Variants in KCTD3 observed in about 807,000 individuals in gnomAD.
The protein encoded by KCTD3 is potassium channel tetramerization domain containing 3.
Under a neutral mutation model 85.8 loss-of-function variants are expected in KCTD3, and 41 were observed. The ratio of observed to expected loss-of-function variants is 0.48; its 90% CI spans 0.37 to 0.62. KCTD3 has a LOEUF of 0.62. KCTD3 is among the 20% of genes least tolerant of loss of function. KCTD3 has a pLI of 0.00. For synonymous variants in KCTD3, 338 were observed against 345.4 expected, an observed-to-expected ratio of 0.98 and a Z score of 0.24; for missense variants, 724 against 989.9, an observed-to-expected ratio of 0.73 and a Z score of 3.60.
At chr1:215,588,112 A>G (rs1338857295) in intron 9 of KCTD3, among the ~76,000 whole-genome samples, 2 of 152,166 alleles carry the variant, frequency 1.3e-5, no homozygotes, top group South Asian at 2.1e-4. Flanking sequence ...TTTAGATAAC[A>G]GGCTTACTTT....
At position 215,604,124 on chromosome 1, in the gene KCTD3, T is replaced by C. The variant is rs1450070903; in HGVS notation, c.1139-8T>C. 1.9e-6 allele frequency: 3 copies of C among 1,599,478 alleles called. No homozygotes were observed. Among genetic ancestry groups the C allele is most frequent in the Non-Finnish European group, 2.6e-6 (3 of 1,174,372 alleles). ...ATGTATCACCTGTCAACTCTTGACT[T>C]TATATAGGTGTCAGTGGTAACTGGA... On this transcript the variant is annotated splice_polypyrimidine_tract_variant and splice_region_variant and intron_variant, in intron 12 of 17. Coordinates refer to ENST00000259154, the MANE Select transcript of KCTD3 (RefSeq NM_016121.5).
chr1:215,586,252 G>A (rs1660001956), intron 8 of KCTD3, among the ~76,000 whole-genome samples: 1 of 152,024 alleles, frequency 6.6e-6, no homozygotes, highest in Non-Finnish European at 1.5e-5. Flanking sequence ...ATATAGAACT[G>A]TAGTCTCTTT....
chr1:215,619,105 G>A, intron 16 of KCTD3, 35 bp downstream of exon 16: 3 of 1,609,500 alleles, frequency 1.9e-6, no homozygotes, highest in Non-Finnish European at 1.7e-6. Flanking sequence ...TTGTCACAAG[G>A]TTAAGCTTTT....
intron 15 of KCTD3, among the ~76,000 whole-genome samples, chr1:215,614,548 G>C (rs919018092): frequency 6.6e-6 from 1 of 152,118 alleles, no homozygotes; most frequent in East Asian, 1.9e-4. Flanking sequence ...GTGGTTTGCT[G>C]TATTTCTAGG....
At chr1:215,604,376 T>A in intron 13 of KCTD3, 74 bp downstream of exon 13, 1 of 1,157,204 alleles carries the variant, frequency 8.6e-7, no homozygotes, top group Non-Finnish European at 1.2e-6. Context: ...GAAAACGCAG[T>A]GTTTATGTGA....
At chr1:215,619,953 CTTTATGTA>C (rs1655600893) in intron 17 of KCTD3, 96 bp from the exon 18 acceptor site, 1 of 735,864 alleles carries the variant, frequency 1.4e-6, no homozygotes, top group African/African-American at 1.8e-5. Context: ...ATATAATACA[CTTTATGTA>C]TTTATATAGT....
chr1:215,589,250 C>G (rs901754378), intron 9 of KCTD3, among the ~76,000 whole-genome samples: 1 of 152,152 alleles, frequency 6.6e-6, no homozygotes, highest in South Asian at 2.1e-4. Flanking sequence ...CTCAAGCAGT[C>G]CCCCCACCTC....
chr1:215,576,857 C>T (rs983704097), intron 4 of KCTD3, among the ~76,000 whole-genome samples: 7 of 152,094 alleles, frequency 4.6e-5, no homozygotes, highest in South Asian at 2.1e-4. Flanking sequence ...TGTGAGCCAC[C>T]GCCCCCAGAC....
chr1:215,577,857 C>G, intron 5 of KCTD3, 129 bp downstream of exon 5: 1 of 1,366,770 alleles, frequency 7.3e-7, no homozygotes. Context: ...TGTGGATTTT[C>G]ATAGTAAAAA....
chr1:215,583,465 C>T (rs578045154), intron 8 of KCTD3, among the ~76,000 whole-genome samples: 1 of 152,160 alleles, frequency 6.6e-6, no homozygotes, highest in Non-Finnish European at 1.5e-5. Flanking sequence ...ACTTTTGTTG[C>T]CATCTTGGTT....
chr1:215,613,743 T>G (rs1655320304), intron 15 of KCTD3, among the ~76,000 whole-genome samples: 1 of 152,226 alleles, frequency 6.6e-6, no homozygotes, highest in Admixed American at 6.5e-5. Context: ...CCAGCACCAT[T>G]TATTGAATAG....
At chr1:215,577,848 G>C in intron 5 of KCTD3, 120 bp downstream of exon 5, 1 of 1,346,528 alleles carries the variant, frequency 7.4e-7, no homozygotes, top group Non-Finnish European at 1.0e-6. Flanking sequence ...CTTAGTTTTT[G>C]TGGATTTTCA....
intron 1 of KCTD3, 100 bp downstream of exon 1, chr1:215,567,868 G>A (rs1443047981): frequency 1.2e-6 from 1 of 842,784 alleles, no homozygotes; most frequent in Non-Finnish European, 1.6e-6. Flanking sequence ...GGCGAGCGTG[G>A]GAGGCCAAGC....
chr1:215,598,738 C>T (rs565351921), intron 10 of KCTD3, among the ~76,000 whole-genome samples: 42 of 151,804 alleles, frequency 2.8e-4, no homozygotes, highest in Non-Finnish European at 5.3e-4. Context: ...TAAATAGAAG[C>T]GCAGCTAAAA....
Position 215,617,275 on chromosome 1 carries a change from G to A in KCTD3, c.1563-1611G>A, listed in dbSNP as rs369635348. On this transcript the variant is annotated intron_variant, in intron 15 of 17. Coordinates refer to ENST00000259154, the MANE Select transcript of KCTD3 (RefSeq NM_016121.5). ...ACTCTAGCAAATTAGTTGAACCTAAGGAGGAGGCTGTGGGAACCCTGATTT... is the reference window on the plus strand; with the variant it reads ...ACTCTAGCAAATTAGTTGAACCTAAAGAGGAGGCTGTGGGAACCCTGATTT... 1.2e-4 allele frequency among the ~76,000 whole-genome samples: 19 copies of A among 152,328 alleles called. No homozygotes were observed. The East Asian group carries it at 3.3e-3, about 26-fold the overall frequency.
chr1:215,594,690 T>C (rs1403225517), intron 9 of KCTD3, among the ~76,000 whole-genome samples: 1 of 152,208 alleles, frequency 6.6e-6, no homozygotes, highest in African/African-American at 2.4e-5. Context: ...CTTAGTAATG[T>C]CTTGTCTTCT....
intron 1 of KCTD3, among the ~76,000 whole-genome samples, chr1:215,573,155 C>G (rs1267026847): frequency 5.3e-5 from 8 of 151,918 alleles, no homozygotes; most frequent in African/African-American, 1.9e-4. Flanking sequence ...TGCAGATAGC[C>G]CAAGACTGCC....
At chr1:215,569,040 G>T (rs1269155751) in intron 1 of KCTD3, among the ~76,000 whole-genome samples, 1 of 152,054 alleles carries the variant, frequency 6.6e-6, no homozygotes, top group Non-Finnish European at 1.5e-5. Context: ...TGATTATACT[G>T]AAGAGTAGCA....
chr1:215,598,854 A>G lies in KCTD3; in HGVS notation c.934-3013A>G, dbSNP rs141534827. On this transcript the variant is annotated intron_variant, in intron 10 of 17. Transcript: ENST00000259154. ...AGGAAAAAGTGAGAAAGCATTTCAG[A>G]TAGGAACAGACTAGAGGAGCCATAT... 1.1e-3 allele frequency among the ~76,000 whole-genome samples: 165 copies of G among 152,328 alleles called. 2 individuals are homozygous for G. In the East Asian group the frequency reaches 0.027, roughly 25 times the overall value.
Sources: gnomAD v4.1 joint callset for allele counts (sites outside exome capture counted in the v4.1 genomes callset) on GRCh38, gnomAD v4.1.1 for gene constraint, MANE v1.5 for transcripts, NCBI Gene and HGNC (gene_info 2026-07-23, HGNC 2026-07-21) for gene names.